Variants in NEIL3 observed in about 807,000 individuals in gnomAD.
NEIL3 encodes nei like DNA glycosylase 3.
NEIL3 carries 48 observed loss-of-function variants against 57.5 expected under a neutral mutation model. That is an observed-to-expected ratio of 0.83 (90% confidence interval 0.66 to 1.06). The LOEUF (loss-of-function observed/expected upper bound fraction) is 1.06, where lower values mean the gene tolerates loss of function less well. Among genes scored for constraint, NEIL3 ranks in the 50% least tolerant of loss-of-function variants. NEIL3 has a pLI of 0.00. For synonymous variants in NEIL3, 261 were observed against 253.2 expected, an observed-to-expected ratio of 1.03 and a Z score of -0.29; for missense variants, 717 against 739.1, an observed-to-expected ratio of 0.97 and a Z score of 0.35.
intron 8 of NEIL3, among the ~76,000 whole-genome samples, chr4:177,359,803 G>A (rs966745579): frequency 1.3e-5 from 2 of 152,170 alleles, no homozygotes; most frequent in African/African-American, 2.4e-5. Flanking sequence ...TACAGCTACA[G>A]TACAAGGCCA....
At position 177,360,638 on chromosome 4, in the gene NEIL3, CTG is replaced by C. The variant is rs755549462; in HGVS notation, c.1598_1599del (p.Cys533SerfsTer4). ...GENKGRQFYA[C>X]PLPREAQCGF... ...AAAACAAGGGCAGGCAGTTTTATGCCTGTCCTCTACCTAGAGAAGCACAATGT... is the reference window on the plus strand; with the variant it reads ...AAAACAAGGGCAGGCAGTTTTATGCCTCCTCTACCTAGAGAAGCACAATGT... On this transcript the variant is annotated frameshift_variant, in exon 9 of 10. Coordinates refer to ENST00000264596, the MANE Select transcript of NEIL3 (RefSeq NM_018248.3). LOFTEE classifies it high-confidence loss of function. 3.1e-6 allele frequency: 5 copies of C among 1,613,670 alleles called. No homozygotes were observed. The South Asian group carries it at 5.5e-5, about 18-fold the overall frequency.
In NEIL3 at chr4:177,327,940, C is replaced by T. The variant is rs1290425835; in HGVS notation, c.278+5360C>T. ...TGTCCTTTCTATATGTTTCTGGATT[C>T]GATTAGTTAATATTTTATTGAGGAC... On this transcript the variant is annotated intron_variant, in intron 2 of 9. Coordinates refer to ENST00000264596, the MANE Select transcript of NEIL3 (RefSeq NM_018248.3). Among the ~76,000 whole-genome samples, 16 of 152,076 alleles carry T rather than the reference C, an allele frequency of 1.1e-4. No homozygotes were observed. The East Asian group carries it at 2.1e-3, about 20-fold the overall frequency.
chr4:177,366,114 A>C (rs1735688967), downstream of NEIL3, among the ~76,000 whole-genome samples: 1 of 152,240 alleles, frequency 6.6e-6, no homozygotes, highest in Non-Finnish European at 1.5e-5. Flanking sequence ...GGCAATACAG[A>C]AAATATGAAA....
rs1005905246 is a variant in NEIL3, at chr4:177,335,923, A to G, written c.413+101A>G. The G allele has an allele frequency of 4.5e-5, 55 of 1,213,316 alleles. 1 individual carries two copies. The Middle Eastern group carries it at 2.0e-3, about 44-fold the overall frequency. 75.2% of individuals were successfully genotyped at this position (1,213,316 alleles called of 1,614,324 possible). A position where few individuals can be genotyped will look rare whatever the true frequency, so the allele number is the denominator to read the frequency against. On this transcript the variant is annotated intron_variant, in intron 3 of 9. Coordinates refer to ENST00000264596, the MANE Select transcript of NEIL3 (RefSeq NM_018248.3). Reference sequence around the variant, plus strand: ...AGAAACAAATAAATAAAGAGTTTGTAATTGATGAAACCTCATTTTAAAGAA... The same window carrying G: ...AGAAACAAATAAATAAAGAGTTTGTGATTGATGAAACCTCATTTTAAAGAA...
chr4:177,355,192 G>A (rs993820605), intron 8 of NEIL3, among the ~76,000 whole-genome samples: 22 of 152,124 alleles, frequency 1.4e-4, no homozygotes, highest in African/African-American at 5.1e-4. Context: ...TTTTAAATAA[G>A]TGGAGAATTT....
intron 1 of NEIL3, among the ~76,000 whole-genome samples, chr4:177,313,385 A>G (rs1018144973): frequency 9.9e-5 from 15 of 152,182 alleles, no homozygotes; most frequent in African/African-American, 3.1e-4. Flanking sequence ...AAACCTAGCC[A>G]TAGAAGATCC....
chr4:177,323,187 C>T (rs907961510), intron 2 of NEIL3, among the ~76,000 whole-genome samples: 5 of 152,104 alleles, frequency 3.3e-5, no homozygotes, highest in South Asian at 4.1e-4. Flanking sequence ...GATGCATGAT[C>T]ACATGTTTAA....
In NEIL3 at chr4:177,339,719, G is replaced by A. The variant is rs1032767681; in HGVS notation, c.628-64G>A. On this transcript the variant is annotated intron_variant, in intron 4 of 9. Coordinates refer to ENST00000264596, the MANE Select transcript of NEIL3 (RefSeq NM_018248.3). ...TTCTCTTTCACAGAATTGGCAAGGC[G>A]TATTATTTCTTACAGTAATGAGCAA... 7.6e-6 allele frequency: 8 copies of A among 1,051,650 alleles called. No individual in the cohort carries two copies. In the East Asian group the frequency reaches 9.5e-5, roughly 13 times the overall value. 65.1% of individuals were successfully genotyped at this position (1,051,650 alleles called of 1,614,324 possible). A position where few individuals can be genotyped will look rare whatever the true frequency, so the allele number is the denominator to read the frequency against.
Position 177,320,622 on chromosome 4 carries a change from C to T in NEIL3, c.157-1837C>T, listed in dbSNP as rs567217876. ...CCTCCCGAGTAGCTGGGGCTACAGG[C>T]GCCCGCCACCATGCCCGGCTAATTT... On this transcript the variant is annotated intron_variant, in intron 1 of 9. Coordinates refer to ENST00000264596, the MANE Select transcript of NEIL3 (RefSeq NM_018248.3). Among the ~76,000 whole-genome samples, 220 of 151,288 alleles carry T rather than the reference C, an allele frequency of 1.5e-3. 1 individual carries two copies. The highest frequency in any genetic ancestry group is 5.0e-3 in the African/African-American group (207 of 41,208).
chr4:177,322,559 A>G lies in NEIL3; in HGVS notation c.257A>G (p.Tyr86Cys). 1 of 1,613,876 alleles carries G rather than the reference A, an allele frequency of 6.2e-7. No individual in the cohort carries two copies. Among genetic ancestry groups the G allele is most frequent in the Non-Finnish European group, 8.5e-7 (1 of 1,179,818 alleles). ...VETLGKELFM[Y>C]FGPKALRIHF... The stretch of plus-strand genomic sequence containing the variant: ...ACTTTGGGGAAGGAGCTCTTTATGT[A>G]CTTTGGACCAAAAGCTTTACGGTAA... Residue 86 changes from tyrosine to cysteine, a missense_variant, in exon 2 of 10, where the codon TAC (tyrosine) becomes TGC (cysteine). Transcript: ENST00000264596.
intron 1 of NEIL3, among the ~76,000 whole-genome samples, chr4:177,317,116 T>C (rs1427319600): frequency 4.6e-5 from 7 of 152,362 alleles, no homozygotes; most frequent in Middle Eastern, 3.4e-3. Flanking sequence ...ATATCTACCT[T>C]GAATTCCTTC....
chr4:177,316,415 A>G (rs147554463), intron 1 of NEIL3, among the ~76,000 whole-genome samples: 3 of 152,276 alleles, frequency 2.0e-5, no homozygotes, highest in African/African-American at 7.2e-5. Flanking sequence ...AGAGTATTTT[A>G]CTTCCATTAT....
At chr4:177,348,580 G>A (rs1234199760) in intron 6 of NEIL3, among the ~76,000 whole-genome samples, 1 of 152,096 alleles carries the variant, frequency 6.6e-6, no homozygotes, top group Admixed American at 6.6e-5. Flanking sequence ...AATCCTCTGA[G>A]TCCCCAGCAT....
chr4:177,322,402 T>G, intron 1 of NEIL3, 57 bp from the exon 2 acceptor site: 1 of 1,605,808 alleles, frequency 6.2e-7, no homozygotes. Context: ...TAAATAATGC[T>G]TTTGCTTAGA....
At chr4:177,355,905 G>C (rs1486247365) in intron 8 of NEIL3, among the ~76,000 whole-genome samples, 1 of 151,992 alleles carries the variant, frequency 6.6e-6, no homozygotes, top group East Asian at 1.9e-4. Context: ...TATGATAACT[G>C]GTTTAACTTT....
intron 1 of NEIL3, 121 bp from the exon 2 acceptor site, chr4:177,322,338 T>C: frequency 7.8e-7 from 1 of 1,275,288 alleles, no homozygotes; most frequent in Non-Finnish European, 1.1e-6. Context: ...TTGGAGATTA[T>C]TCTTCTCATT....
chr4:177,355,883 T>C (rs1422513753), intron 8 of NEIL3, among the ~76,000 whole-genome samples: 1 of 152,228 alleles, frequency 6.6e-6, no homozygotes, highest in Non-Finnish European at 1.5e-5. Flanking sequence ...TAATGTCTTG[T>C]TCATAATCAT....
rs200055050 is a variant in NEIL3, at chr4:177,335,804, A to T, written c.395A>T (p.Asp132Val). 4.6e-4 allele frequency: 729 copies of T among 1,570,872 alleles called. 1 individual carries two copies. In the Middle Eastern group the frequency reaches 0.017, roughly 37 times the overall value. ...ACCAAAGATTTGATTTGTTTCTTTG[A>T]CTCATCAGTAGAACTCAGGTAAAAA... ...QLTKDLICFF[D>V]SSVELRNSME... The change falls in exon 3 of 10, where the codon GAC (aspartate) becomes GTC (valine). Residue 132 changes from aspartate (D) to valine (V), a missense_variant. By Grantham distance (152) the Asp-to-Val change is radical. Coordinates refer to ENST00000264596, the MANE Select transcript of NEIL3 (RefSeq NM_018248.3).
chr4:177,344,466 C>T (rs1735168216), intron 6 of NEIL3, among the ~76,000 whole-genome samples: 1 of 152,156 alleles, frequency 6.6e-6, no homozygotes, highest in Non-Finnish European at 1.5e-5. Context: ...TCTCTGAAAG[C>T]TTACTGAACT....
Sources: gnomAD v4.1 joint callset for allele counts (sites outside exome capture counted in the v4.1 genomes callset) on GRCh38, gnomAD v4.1.1 for gene constraint, MANE v1.5 for transcripts, NCBI Gene and HGNC (gene_info 2026-07-23, HGNC 2026-07-21) for gene names.